SLC9B2: variants seen among roughly 807,000 people sequenced by gnomAD.
The protein encoded by SLC9B2 is sodium/hydrogen exchanger 9B2.
SLC9B2 carries 39 observed loss-of-function variants against 52.2 expected under a neutral mutation model. The observed-to-expected ratio is 0.75, with a 90% CI of 0.58 to 0.98. SLC9B2 has a LOEUF of 0.98. SLC9B2 is among the 50% of genes least tolerant of loss of function. SLC9B2 has a pLI of 0.00. For synonymous variants in SLC9B2, 214 were observed against 227.0 expected, an observed-to-expected ratio of 0.94 and a Z score of 0.51; for missense variants, 626 against 637.5, an observed-to-expected ratio of 0.98 and a Z score of 0.19.
downstream of SLC9B2, among the ~76,000 whole-genome samples, chr4:103,021,639 C>T (rs11938650): frequency 0.59 from 89,528 of 152,014 alleles, 28,058 homozygotes; most frequent in African/African-American, 0.82. Context: ...TAAAACTATA[C>T]ATGACATGAT....
At position 103,028,641 on chromosome 4, in the gene SLC9B2, T is replaced by A. The variant is rs998486964; in HGVS notation, c.1392+106A>T. ...GGATAAACTCTTTTCATAAATCCAC[T>A]TCAATTATTTATTTTCACTAAATTT... is the stretch of plus-strand genomic sequence containing the variant. On this transcript the variant is annotated intron_variant, in intron 11 of 11. Coordinates refer to ENST00000394785, the MANE Select transcript of SLC9B2 (RefSeq NM_178833.7). 4 of 1,343,692 alleles carry A rather than the reference T, an allele frequency of 3.0e-6. No individual in the cohort carries two copies. In the Admixed American group the frequency reaches 1.1e-4, roughly 37 times the overall value. The allele number at this position is 1,343,692 out of a possible 1,614,324, so 83.2% of individuals were successfully genotyped here. A position where few individuals can be genotyped will look rare whatever the true frequency, so the allele number is the denominator to read the frequency against.
At chr4:103,051,526 T>C (rs1192528571) in intron 4 of SLC9B2, among the ~76,000 whole-genome samples, 1 of 152,238 alleles carries the variant, frequency 6.6e-6, no homozygotes, top group Non-Finnish European at 1.5e-5. Context: ...GCTGTGGCAG[T>C]GGTCTTTCTG....
intron 1 of SLC9B2, among the ~76,000 whole-genome samples, chr4:103,074,300 T>C (rs1036338010): frequency 3.9e-5 from 6 of 152,214 alleles, no homozygotes; most frequent in Non-Finnish European, 4.4e-5. Flanking sequence ...AACATCTTCA[T>C]GTATGAGCAA....
Position 103,047,061 on chromosome 4 carries a change from G to A in SLC9B2, c.879C>T (p.Ala293=). ...ITGFNTCLGI[A]FSTGSTVFNV... is the part of the protein sequence containing the mutation. ...AACTGATTAGGTTACCTGTGGAAAA[G>A]GCTATGCCCAAGCATGTGTTGAAGC... is the stretch of plus-strand genomic sequence containing the variant. The change falls in exon 7 of 12, where the codon GCC becomes GCT. Residue 293 remains alanine, a synonymous_variant. Transcript: ENST00000394785. 1 of 1,613,938 alleles carries A rather than the reference G, an allele frequency of 6.2e-7. No individual in the cohort carries two copies. The highest frequency in any genetic ancestry group is 1.1e-5 in the South Asian group (1 of 91,070).
chr4:103,059,023 C>T (rs1427508030), intron 3 of SLC9B2, among the ~76,000 whole-genome samples: 1 of 152,082 alleles, frequency 6.6e-6, no homozygotes, highest in Non-Finnish European at 1.5e-5. Context: ...GCTACGATTG[C>T]ACCACTGCAC....
chr4:103,018,604 G>A (rs942371862), downstream of SLC9B2, among the ~76,000 whole-genome samples: 15 of 152,082 alleles, frequency 9.9e-5, no homozygotes, highest in African/African-American at 3.6e-4. Context: ...GTGCCACCTG[G>A]GCCAGTTGTC....
chr4:103,075,561 C>T (rs1357957487), intron 1 of SLC9B2, among the ~76,000 whole-genome samples: 1 of 152,188 alleles, frequency 6.6e-6, no homozygotes, highest in Non-Finnish European at 1.5e-5. Flanking sequence ...TTTCCAGTCT[C>T]CCTTGCAGGT....
intron 9 of SLC9B2, among the ~76,000 whole-genome samples, chr4:103,041,176 T>C (rs1429404587): frequency 1.3e-5 from 2 of 152,084 alleles, no homozygotes; most frequent in African/African-American, 4.8e-5. Flanking sequence ...TTCAGCATAA[T>C]TTAAAATAGC....
At chr4:103,064,289 A>G (rs1435356538) in intron 3 of SLC9B2, among the ~76,000 whole-genome samples, 1 of 152,218 alleles carries the variant, frequency 6.6e-6, no homozygotes, top group Non-Finnish European at 1.5e-5. Context: ...ATATGTGTAT[A>G]TACACAATGA....
At chr4:103,053,221 G>A (rs1476836616) in intron 4 of SLC9B2, among the ~76,000 whole-genome samples, 1 of 151,868 alleles carries the variant, frequency 6.6e-6, no homozygotes, top group Non-Finnish European at 1.5e-5. Context: ...CTCATACTCC[G>A]ACCCTGGCAA....
At chr4:103,069,146 T>C (rs1160315507) in intron 1 of SLC9B2, among the ~76,000 whole-genome samples, 3 of 152,154 alleles carry the variant, frequency 2.0e-5, no homozygotes, top group African/African-American at 7.2e-5. Flanking sequence ...AAATTTAGAC[T>C]GATAATAAAA....
chr4:103,037,956 G>A lies in SLC9B2; in HGVS notation c.1146+5340C>T, dbSNP rs527844354. On this transcript the variant is annotated intron_variant, in intron 9 of 11. Transcript: ENST00000394785. Reference sequence around the variant, plus strand: ...GCTCATGGCAACCTTCATCTCCTGGGTTCAAGTGAGTCTCCTGCCTCAGTT... The same window carrying A: ...GCTCATGGCAACCTTCATCTCCTGGATTCAAGTGAGTCTCCTGCCTCAGTT... 4.5e-4 allele frequency among the ~76,000 whole-genome samples: 69 copies of A among 151,886 alleles called. 3 individuals carry two copies. The highest frequency in any genetic ancestry group is 3.2e-4 in the Non-Finnish European group (22 of 67,976).
intron 9 of SLC9B2, among the ~76,000 whole-genome samples, chr4:103,037,342 C>T (rs1393026580): frequency 1.3e-5 from 2 of 152,096 alleles, no homozygotes; most frequent in African/African-American, 4.8e-5. Context: ...TACCAATTGG[C>T]CTATGGTAAA....
rs1742005554 is a variant in SLC9B2, at chr4:103,024,108, C to A, written c.*2262G>T. Among the ~76,000 whole-genome samples the A allele has an allele frequency of 6.6e-6, 1 of 152,170 alleles. No individual in the cohort carries two copies. Among genetic ancestry groups the A allele is most frequent in the African/African-American group, 2.4e-5 (1 of 41,446 alleles). ...CTCCCTAGCAGCCCTGTAGTTCCTG[C>A]ATAATAGCACTTATCATATTGTTTT... On this transcript the variant is annotated 3_prime_UTR_variant, in exon 12 of 12. Transcript: ENST00000394785.
At chr4:103,058,118 T>G in intron 3 of SLC9B2, 147 bp from the exon 4 acceptor site, 1 of 762,862 alleles carries the variant, frequency 1.3e-6, no homozygotes, top group Non-Finnish European at 2.1e-6. Flanking sequence ...ATCAGTAAGA[T>G]GACCAACTGG....
intron 9 of SLC9B2, among the ~76,000 whole-genome samples, chr4:103,036,507 C>G (rs1359867460): frequency 6.6e-6 from 1 of 151,262 alleles, no homozygotes; most frequent in Non-Finnish European, 1.5e-5. Flanking sequence ...CCCCTTGAAC[C>G]TAAAATAAAA....
At chr4:103,035,882 A>C (rs1743129663) in intron 9 of SLC9B2, among the ~76,000 whole-genome samples, 1 of 152,254 alleles carries the variant, frequency 6.6e-6, no homozygotes, top group African/African-American at 2.4e-5. Flanking sequence ...CTACATGCCC[A>C]TCAACGGTAG....
At chr4:103,020,980 A>G, downstream of SLC9B2, among the ~76,000 whole-genome samples, 2 of 152,170 alleles carry the variant, frequency 1.3e-5, 1 homozygote, top group East Asian at 3.8e-4. Context: ...TAGACATCTC[A>G]GCAAGGATTT....
Position 103,022,783 on chromosome 4 carries a change from G to A in SLC9B2, c.*3587C>T, listed in dbSNP as rs1352146019. Among the ~76,000 whole-genome samples the A allele has an allele frequency of 3.3e-5, 5 of 152,192 alleles. No homozygotes were observed. Among genetic ancestry groups the A allele is most frequent in the African/African-American group, 7.2e-5 (3 of 41,438 alleles). ...TTGAAGCCTTAACTTCCAATGTGAT[G>A]TATTTAGATATGAGGATTTGGGAAG... is the stretch of plus-strand genomic sequence containing the variant. On this transcript the variant is annotated 3_prime_UTR_variant, in exon 12 of 12. Coordinates refer to ENST00000394785, the MANE Select transcript of SLC9B2 (RefSeq NM_178833.7).
Sources: allele counts gnomAD v4.1 joint callset (sites outside exome capture counted in the v4.1 genomes callset), GRCh38; gene constraint gnomAD v4.1.1; transcripts MANE v1.5; gene names NCBI Gene and HGNC (gene_info 2026-07-23, HGNC 2026-07-21).